STAT1: variants seen among roughly 807,000 people sequenced by gnomAD.
STAT1 encodes signal transducer and activator of transcription 1.
A neutral mutation model predicts 111.7 loss-of-function variants in STAT1; 24 were observed. That is an observed-to-expected ratio of 0.21 (90% CI 0.16 to 0.30). The LOEUF (loss-of-function observed/expected upper bound fraction) is 0.30. Ranked by LOEUF, STAT1 falls within the 10% of genes least tolerant of loss-of-function variation. The pLI is 1.00. For synonymous variants in STAT1, 332 were observed against 326.5 expected, an observed-to-expected ratio of 1.02 and a Z score of -0.18; for missense variants, 351 against 911.9, an observed-to-expected ratio of 0.38 and a Z score of 7.92.
rs1692953712 is a variant in STAT1, at chr2:190,987,598, C to T, written c.1098-530G>A. ...GATCTTTAATGCTCTCATGAAAGTA[C>T]CAGGAAAGTCAGTTATCTGGGGAAA... On this transcript the variant is annotated intron_variant, in intron 12 of 24. Transcript: ENST00000361099. The surrounding 1 kb of genome is among the most constrained non-coding windows in gnomAD (Gnocchi z 4.0). Among the ~76,000 whole-genome samples, 1 of 152,134 alleles carries T rather than the reference C, an allele frequency of 6.6e-6. No individual in the cohort carries two copies. The highest frequency in any genetic ancestry group is 2.4e-5 in the African/African-American group (1 of 41,420).
At position 191,007,547 on chromosome 2, in the gene STAT1, A is replaced by G. The variant is rs753589610; in HGVS notation, c.372+16T>C. 18 of 1,576,088 alleles carry G rather than the reference A, an allele frequency of 1.1e-5. No individual in the cohort carries two copies. The South Asian group carries it at 1.9e-4, about 16-fold the overall frequency. On this transcript the variant is annotated intron_variant, in intron 5 of 24. Coordinates refer to ENST00000361099, the MANE Select transcript of STAT1 (RefSeq NM_007315.4). This position sits in a 1 kb window ranked among gnomAD's most constrained non-coding sequence, Gnocchi z 4.2. ...TTATTTTATTACAGTTTATGTGTTC[A>G]ATGAGAAAAAAGTACCTGATTAAAT...
rs2125101106 is a variant in STAT1 at position 191,009,104 on chromosome 2, C to T, written c.132G>A (p.Glu44=). 1.9e-6 allele frequency: 3 copies of T among 1,614,056 alleles called. No homozygotes were observed. Among genetic ancestry groups the T allele is most frequent in the Non-Finnish European group, 2.5e-6 (3 of 1,179,952 alleles). Residue 44 remains glutamate (E), a synonymous_variant, in exon 4 of 25, where the codon GAG becomes GAA. Coordinates refer to ENST00000361099, the MANE Select transcript of STAT1 (RefSeq NM_007315.4). ...LAQWLEKQDW[E]HAANDVSFAT... ...CAAATGAAACATCATTGGCAGCGTG[C>T]TCCCTAGGAGATTTAACATTTACAC...
chr2:191,010,832 G>A (rs1026861258), intron 2 of STAT1, among the ~76,000 whole-genome samples: 5 of 152,190 alleles, frequency 3.3e-5, no homozygotes, highest in African/African-American at 1.2e-4. Context: ...TTGGATAACT[G>A]TTAAGTCCAT....
chr2:190,999,855 T>C lies in STAT1; in HGVS notation c.463-151A>G. 1.6e-6 allele frequency: 1 copy of C among 641,874 alleles called. No individual in the cohort carries two copies. The highest frequency in any genetic ancestry group is 2.8e-6 in the Non-Finnish European group (1 of 361,604). The allele number at this position is 641,874 out of a possible 1,614,324, so 39.8% of individuals were successfully genotyped here. On this transcript the variant is annotated intron_variant, in intron 6 of 24. Coordinates refer to ENST00000361099, the MANE Select transcript of STAT1 (RefSeq NM_007315.4). This position sits in a 1 kb window ranked among gnomAD's most constrained non-coding sequence, Gnocchi z 4.1. ...TCTGACTTGGACAGTTCTAATCATA[T>C]ACATGAAATAATTTCGGTTTCATTA...
Position 190,970,341 on chromosome 2 carries a change from A to G in STAT1, c.*362T>C, listed in dbSNP as rs886055377. 1.1e-5 allele frequency: 4 copies of G among 357,000 alleles called. No individual in the cohort carries two copies. Among genetic ancestry groups the G allele is most frequent in the African/African-American group, 4.2e-5 (2 of 47,502 alleles). The allele number at this position is 357,000 out of a possible 1,614,324, so 22.1% of individuals were successfully genotyped here. A position where few individuals can be genotyped will look rare whatever the true frequency, so the allele number is the denominator to read the frequency against. ...TAACCACTGATTTATCCAACAACCTATAACAGTTGGGCACTGACTTTATGC... is the reference window on the plus strand; with the variant it reads ...TAACCACTGATTTATCCAACAACCTGTAACAGTTGGGCACTGACTTTATGC... On this transcript the variant is annotated 3_prime_UTR_variant, in exon 25 of 25. Transcript: ENST00000361099. The surrounding 1 kb of genome is among the most constrained non-coding windows in gnomAD (Gnocchi z 5.4).
chr2:190,984,193 T>C lies in STAT1; in HGVS notation c.1347+117A>G. ...TTAAGATAGTATTAGCTGAAAAAGA[T>C]CATTTTAAAACAATTAGGTAAATAC... On this transcript the variant is annotated intron_variant, in intron 16 of 24. Coordinates refer to ENST00000361099, the MANE Select transcript of STAT1 (RefSeq NM_007315.4). The surrounding 1 kb of genome is among the most constrained non-coding windows in gnomAD (Gnocchi z 5.2). 2 of 859,924 alleles carry C rather than the reference T, an allele frequency of 2.3e-6. No homozygotes were observed. The highest frequency in any genetic ancestry group is 1.5e-5 in the South Asian group (1 of 65,920). The allele number at this position is 859,924 out of a possible 1,614,324, so 53.3% of individuals were successfully genotyped here. A position where few individuals can be genotyped will look rare whatever the true frequency, so the allele number is the denominator to read the frequency against.
At position 190,980,595 on chromosome 2, in the gene STAT1, A is replaced by G; in HGVS notation, c.1632+25T>C. 1 of 1,613,246 alleles carries G rather than the reference A, an allele frequency of 6.2e-7. No homozygotes were observed. Among genetic ancestry groups the G allele is most frequent in the Non-Finnish European group, 8.5e-7 (1 of 1,179,144 alleles). ...AACCAAGAGCAAAAAGGACTTAGAG[A>G]GCATAAAACCCAGACAGTCCTCACC... On this transcript the variant is annotated intron_variant, in intron 19 of 24. Transcript: ENST00000361099. The surrounding 1 kb of genome is among the most constrained non-coding windows in gnomAD (Gnocchi z 6.1).
Position 191,006,752 on chromosome 2 carries a change from C to A in STAT1, c.372+811G>T, listed in dbSNP as rs559010718. Among the ~76,000 whole-genome samples the A allele has an allele frequency of 1.8e-4, 27 of 152,282 alleles. No individual in the cohort carries two copies. The South Asian group carries it at 4.8e-3, about 27-fold the overall frequency. ...ATAGCAAATTCAAAACTCTGCTGAA[C>A]CCTGACAACTAGGAAGGTTTGTATT... On this transcript the variant is annotated intron_variant, in intron 5 of 24. Coordinates refer to ENST00000361099, the MANE Select transcript of STAT1 (RefSeq NM_007315.4). This position sits in a 1 kb window ranked among gnomAD's most constrained non-coding sequence, Gnocchi z 4.6.
rs79499999 is a variant in STAT1 at position 191,012,432 on chromosome 2, T to G, written c.-2+1093A>C. Among the ~76,000 whole-genome samples, 1 of 149,412 alleles carries G rather than the reference T, an allele frequency of 6.7e-6. No homozygotes were observed. The highest frequency in any genetic ancestry group is 1.5e-5 in the Non-Finnish European group (1 of 67,378). On this transcript the variant is annotated intron_variant, in intron 2 of 24. Transcript: ENST00000361099. The surrounding 1 kb of genome is among the most constrained non-coding windows in gnomAD (Gnocchi z 4.0). ...CTCTGTCTCTAAAAAAAAAAAACAATGAATAAATAAGCTCATGTTCACAAA... is the reference window on the plus strand; with the variant it reads ...CTCTGTCTCTAAAAAAAAAAAACAAGGAATAAATAAGCTCATGTTCACAAA...
chr2:190,974,132 T>G lies in STAT1; in HGVS notation c.2238+698A>C, dbSNP rs997360501. On this transcript the variant is annotated intron_variant, in intron 24 of 24. Coordinates refer to ENST00000361099, the MANE Select transcript of STAT1 (RefSeq NM_007315.4). The surrounding 1 kb of genome is among the most constrained non-coding windows in gnomAD (Gnocchi z 4.8). ...TAAAATTAAACAGCATCAGCAAAAA[T>G]CCAGCCAAGCAAGCACAATCTTTAA... 1.3e-5 allele frequency among the ~76,000 whole-genome samples: 2 copies of G among 152,118 alleles called. No individual in the cohort carries two copies. The highest frequency in any genetic ancestry group is 4.8e-5 in the African/African-American group (2 of 41,404).
In STAT1 at chr2:190,979,795, G is replaced by A; in HGVS notation, c.1704C>T (p.His568=). The A allele has an allele frequency of 6.2e-7, 1 of 1,613,646 alleles. No homozygotes were observed. Among genetic ancestry groups the A allele is most frequent in the South Asian group, 1.1e-5 (1 of 91,078 alleles). ...ACCCATCATTCCAGAGAGGGAGCAG[G>A]TGTTTTTTAATGAGTTCTAGGATGC... ...IESILELIKK[H]LLPLWNDGCI... is the part of the protein sequence containing the mutation. Residue 568 remains histidine, a synonymous_variant, in exon 20 of 25, where the codon CAC becomes CAT. Transcript: ENST00000361099. This position sits in a 1 kb window ranked among gnomAD's most constrained non-coding sequence, Gnocchi z 5.8.
rs934377848 is a variant in STAT1 at position 191,007,159 on chromosome 2, C to T, written c.372+404G>A. On this transcript the variant is annotated intron_variant, in intron 5 of 24. Coordinates refer to ENST00000361099, the MANE Select transcript of STAT1 (RefSeq NM_007315.4). This position sits in a 1 kb window ranked among gnomAD's most constrained non-coding sequence, Gnocchi z 4.2. ...TCCTACCTCCACTGATTCTACTGAGCGCAAGCTTCCACTGCCTCTACCTTG... is the reference window on the plus strand; with the variant it reads ...TCCTACCTCCACTGATTCTACTGAGTGCAAGCTTCCACTGCCTCTACCTTG... 3.3e-5 allele frequency among the ~76,000 whole-genome samples: 5 copies of T among 152,156 alleles called. No individual in the cohort carries two copies. Among genetic ancestry groups the T allele is most frequent in the South Asian group, 2.1e-4 (1 of 4,830 alleles).
In STAT1 at chr2:191,005,011, G is replaced by A. The variant is rs202200982; in HGVS notation, c.372+2552C>T. Among the ~76,000 whole-genome samples the A allele has an allele frequency of 2.0e-5, 3 of 152,318 alleles. No individual in the cohort carries two copies. In the East Asian group the frequency reaches 5.8e-4, roughly 29 times the overall value. ...CACGAAACATTTATAGTCTACTACA[G>A]TGTGTATAGCATAATATTCTCTTAA... On this transcript the variant is annotated intron_variant, in intron 5 of 24. Coordinates refer to ENST00000361099, the MANE Select transcript of STAT1 (RefSeq NM_007315.4).
rs1433022831 is a variant in STAT1 at position 190,969,189 on chromosome 2, T to C, written c.*1514A>G. ...TTTTAATGTTGTCTTCTTTGTTTTT[T>C]AGTCATTTCAATTGTAAAATCAACT... On this transcript the variant is annotated 3_prime_UTR_variant, in exon 25 of 25. Transcript: ENST00000361099. The C allele has an allele frequency of 6.6e-6, 1 of 152,178 alleles. No individual in the cohort carries two copies. Among genetic ancestry groups the C allele is most frequent in the East Asian group, 1.9e-4 (1 of 5,204 alleles). The allele number at this position is 152,178 out of a possible 1,614,324, so 9.4% of individuals were successfully genotyped here.
Position 191,006,677 on chromosome 2 carries a change from G to A in STAT1, c.372+886C>T, listed in dbSNP as rs1020274126. ...CATGGTGGCTTCACACTGCCTGCCTGTTGGCTTGTTGTCACCACCCCAGTG... is the reference window on the plus strand; with the variant it reads ...CATGGTGGCTTCACACTGCCTGCCTATTGGCTTGTTGTCACCACCCCAGTG... On this transcript the variant is annotated intron_variant, in intron 5 of 24. Coordinates refer to ENST00000361099, the MANE Select transcript of STAT1 (RefSeq NM_007315.4). This position sits in a 1 kb window ranked among gnomAD's most constrained non-coding sequence, Gnocchi z 4.6. Among the ~76,000 whole-genome samples, 1 of 152,188 alleles carries A rather than the reference G, an allele frequency of 6.6e-6. No homozygotes were observed. Among genetic ancestry groups the A allele is most frequent in the African/African-American group, 2.4e-5 (1 of 41,438 alleles).
Position 191,012,799 on chromosome 2 carries a change from C to T in STAT1, c.-2+726G>A, listed in dbSNP as rs562910827. On this transcript the variant is annotated intron_variant, in intron 2 of 24. Transcript: ENST00000361099. The surrounding 1 kb of genome is among the most constrained non-coding windows in gnomAD (Gnocchi z 4.0). ...ACATTTCTGCTTTGCTCCAGCTACT[C>T]GCCCTTGGAAACAGCCTCTCCACAA... Among the ~76,000 whole-genome samples, 3 of 152,336 alleles carry T rather than the reference C, an allele frequency of 2.0e-5. No homozygotes were observed. Among genetic ancestry groups the T allele is most frequent in the Admixed American group, 6.5e-5 (1 of 15,302 alleles).
Position 190,973,019 on chromosome 2 carries a change from C to T in STAT1, c.2238+1811G>A, listed in dbSNP as rs905427120. On this transcript the variant is annotated intron_variant, in intron 24 of 24. Transcript: ENST00000361099. This position sits in a 1 kb window ranked among gnomAD's most constrained non-coding sequence, Gnocchi z 4.4. ...CCTGAGAGCAGAGAGAGCAGTCCAA[C>T]TGCTCCACAGGACTGCAGAGAGGGA... is the stretch of plus-strand genomic sequence containing the variant. Among the ~76,000 whole-genome samples the T allele has an allele frequency of 4.6e-5, 7 of 152,146 alleles. No individual in the cohort carries two copies. The highest frequency in any genetic ancestry group is 1.7e-4 in the African/African-American group (7 of 41,426).
intron 5 of STAT1, among the ~76,000 whole-genome samples, chr2:191,001,925 TA>T (rs1250388796): frequency 1.3e-5 from 2 of 152,222 alleles, no homozygotes; most frequent in Non-Finnish European, 2.9e-5. Context: ...AGAAAGATGT[TA>T]TTTTTTTAGA....
intron 5 of STAT1, 72 bp from the exon 6 acceptor site, chr2:191,001,235 T>G: frequency 1.7e-6 from 2 of 1,168,296 alleles, no homozygotes; most frequent in African/African-American, 1.5e-5. Context: ...CACTCCAAAG[T>G]CAAGTCCCCA....
Sources: gnomAD v4.1 joint callset for allele counts (sites outside exome capture counted in the v4.1 genomes callset) on GRCh38, gnomAD v4.1.1 for gene constraint, Gnocchi (gnomAD v3.1) non-coding constraint, MANE v1.5 for transcripts, NCBI Gene and HGNC (gene_info 2026-07-23, HGNC 2026-07-21) for gene names.